The following FMN2 variants were observed in gnomAD, a reference collection of about 807,000 sequenced individuals.
The protein encoded by FMN2 is formin 2.
FMN2 carries 51 observed loss-of-function variants against 142.3 expected under a neutral mutation model. The ratio of observed to expected loss-of-function variants is 0.36; its 90% CI spans 0.29 to 0.45. The LOEUF (loss-of-function observed/expected upper bound fraction) is 0.45. Among genes scored for constraint, FMN2 ranks in the 20% least tolerant of loss-of-function variants. The probability of loss-of-function intolerance (pLI) is 1.00; values close to 1 mark genes in which losing one functional copy is unlikely to be tolerated. For synonymous variants in FMN2, 882 were observed against 869.8 expected (o/e 1.01, Z -0.25); for missense variants, 1,936 against 2,122.8 (o/e 0.91, Z 1.73).
At chr1:240,435,989 G>T (rs1373799370) in intron 15 of FMN2, among the ~76,000 whole-genome samples, 1 of 152,148 alleles carries the variant, frequency 6.6e-6, no homozygotes, top group Non-Finnish European at 1.5e-5. Context: ...TTCTTTTTAG[G>T]TATATAAGGA....
chr1:240,243,254 A>G (rs922833670), intron 6 of FMN2, among the ~76,000 whole-genome samples: 2 of 152,228 alleles, frequency 1.3e-5, no homozygotes, highest in African/African-American at 4.8e-5. Flanking sequence ...TTCATGAAAT[A>G]GTATCAGACA....
chr1:240,209,282 G>A (rs1202386088), intron 5 of FMN2, among the ~76,000 whole-genome samples: 2 of 147,936 alleles, frequency 1.4e-5, no homozygotes, highest in Admixed American at 6.8e-5. Context: ...ACGGAGTCTC[G>A]CTCTGTCACC....
At chr1:240,458,469 A>C (rs955862424) in intron 16 of FMN2, 1 of 152,224 alleles carries the variant, frequency 6.6e-6, no homozygotes, top group Non-Finnish European at 1.5e-5. Context: ...TGACCAAAAA[A>C]GTCTTACTAA....
In FMN2 at chr1:240,149,812, C is replaced by T. The variant is rs117573457; in HGVS notation, c.1782+26467C>T. ...TTCACAGGAAGATTAATTGTAATAG[C>T]TTTACATTTTAAAATCAAAAATTCT... is the stretch of plus-strand genomic sequence containing the variant. On this transcript the variant is annotated intron_variant, in intron 2 of 17. Coordinates refer to ENST00000319653, the MANE Select transcript of FMN2 (RefSeq NM_020066.5). 6.1e-3 allele frequency among the ~76,000 whole-genome samples: 927 copies of T among 152,264 alleles called. 19 individuals carry two copies. The East Asian group carries it at 0.072, about 12-fold the overall frequency.
intron 16 of FMN2, among the ~76,000 whole-genome samples, chr1:240,454,688 T>G (rs781414792): frequency 2.2e-4 from 33 of 152,162 alleles, no homozygotes; most frequent in Non-Finnish European, 4.6e-4. Flanking sequence ...AGTTAAGCAT[T>G]AAGCAAAGCT....
intron 1 of FMN2, among the ~76,000 whole-genome samples, chr1:240,103,704 T>C (rs1019265803): frequency 6.6e-6 from 1 of 152,182 alleles, no homozygotes; most frequent in Non-Finnish European, 1.5e-5. Flanking sequence ...AACATTCTTT[T>C]GTCCACAACC....
intron 14 of FMN2, among the ~76,000 whole-genome samples, chr1:240,370,870 A>T (rs1278786185): frequency 1.3e-5 from 2 of 152,172 alleles, no homozygotes; most frequent in African/African-American, 4.8e-5. Flanking sequence ...GTGTGCGACT[A>T]CTCATTAAAA....
At chr1:240,346,449 G>A (rs1051362664) in intron 13 of FMN2, among the ~76,000 whole-genome samples, 3 of 152,142 alleles carry the variant, frequency 2.0e-5, no homozygotes, top group African/African-American at 7.2e-5. Context: ...GAAACCACAG[G>A]AAGCGAACCC....
chr1:240,413,775 T>C (rs1443227665), intron 15 of FMN2, among the ~76,000 whole-genome samples: 1 of 152,224 alleles, frequency 6.6e-6, no homozygotes. Context: ...AATTTTTCTT[T>C]ATGTTATAAA....
chr1:240,178,456 T>C (rs1175504540), intron 3 of FMN2, among the ~76,000 whole-genome samples: 1 of 151,426 alleles, frequency 6.6e-6, no homozygotes, highest in Non-Finnish European at 1.5e-5. Flanking sequence ...TCTTTTTTTT[T>C]TTTTTTCTGG....
chr1:240,330,796 T>A (rs1312613889), intron 11 of FMN2, 47 bp downstream of exon 11: 1 of 1,591,300 alleles, frequency 6.3e-7, no homozygotes, highest in South Asian at 1.1e-5. Context: ...GGAGTCAAGG[T>A]TTTGTTTAGT....
intron 7 of FMN2, among the ~76,000 whole-genome samples, chr1:240,290,981 T>A (rs1669766291): frequency 6.6e-6 from 1 of 151,674 alleles, no homozygotes; most frequent in South Asian, 2.1e-4. Flanking sequence ...ACCTGGCTAA[T>A]TTTTGTATTT....
chr1:240,350,973 A>G (rs1016893202), intron 13 of FMN2, among the ~76,000 whole-genome samples: 3 of 152,238 alleles, frequency 2.0e-5, no homozygotes, highest in African/African-American at 4.8e-5. Context: ...CATTCCACAA[A>G]GAACTGTTGA....
At chr1:240,158,996 C>A (rs1664150223) in intron 2 of FMN2, among the ~76,000 whole-genome samples, 1 of 152,106 alleles carries the variant, frequency 6.6e-6, no homozygotes, top group Non-Finnish European at 1.5e-5. Context: ...TATAAAACTG[C>A]TATAAAACAT....
chr1:240,228,303 C>CAAAAAAAAAAAAAAAAAAAAAAA (rs577421634), intron 6 of FMN2, among the ~76,000 whole-genome samples: 35 of 47,742 alleles, frequency 7.3e-4, no homozygotes, highest in Admixed American at 1.0e-3. Flanking sequence ...AACTCTGTCT[C>CAAAAAAAAAAAAAAAAAAAAAAA]AAAAAAAAAA....
intron 14 of FMN2, among the ~76,000 whole-genome samples, chr1:240,369,548 C>T (rs1172148956): frequency 6.6e-6 from 1 of 152,088 alleles, no homozygotes; most frequent in Admixed American, 6.6e-5. Flanking sequence ...TTGGTGTGAA[C>T]TCCGGATTGT....
intron 8 of FMN2, among the ~76,000 whole-genome samples, chr1:240,327,725 T>C (rs1248357204): frequency 1.3e-5 from 2 of 152,176 alleles, no homozygotes; most frequent in African/African-American, 4.8e-5. Flanking sequence ...CCTATATTAA[T>C]ATTAAAATGT....
At chr1:240,152,179 T>C (rs963931499) in intron 2 of FMN2, among the ~76,000 whole-genome samples, 3 of 152,122 alleles carry the variant, frequency 2.0e-5, no homozygotes, top group African/African-American at 7.2e-5. Flanking sequence ...CACCATGGGC[T>C]CTGGCATTTA....
chr1:240,304,444 T>C (rs1297214818), intron 8 of FMN2, among the ~76,000 whole-genome samples: 1 of 152,194 alleles, frequency 6.6e-6, no homozygotes, highest in Non-Finnish European at 1.5e-5. Context: ...TTTTTCAGCC[T>C]GCACCTTTCC....
Sources: gnomAD v4.1 joint callset for allele counts (sites outside exome capture counted in the v4.1 genomes callset) on GRCh38, gnomAD v4.1.1 for gene constraint, MANE v1.5 for transcripts, NCBI Gene and HGNC (gene_info 2026-07-23, HGNC 2026-07-21) for gene names.